IGF2BP2: variants seen among roughly 807,000 people sequenced by gnomAD.
IGF2BP2 encodes insulin-like growth factor 2 mRNA-binding protein 2.
A neutral mutation model predicts 75.8 loss-of-function variants in IGF2BP2; 17 were observed. The ratio of observed to expected loss-of-function variants is 0.22; its 90% confidence interval spans 0.15 to 0.34. The LOEUF (loss-of-function observed/expected upper bound fraction) is 0.34. IGF2BP2 is among the 10% of genes least tolerant of loss of function. The pLI is 1.00. For missense variants in IGF2BP2, 516 were observed against 772.4 expected, an observed-to-expected ratio of 0.67 and a Z score of 3.93; for synonymous variants, 288 against 295.6, an observed-to-expected ratio of 0.97 and a Z score of 0.26.
At chr3:185,652,875 G>A (rs773147651) in intron 12 of IGF2BP2, among the ~76,000 whole-genome samples, 2 of 151,992 alleles carry the variant, frequency 1.3e-5, no homozygotes, top group Non-Finnish European at 2.9e-5. Flanking sequence ...GCAGTGGCGC[G>A]ATCTCAGCTC....
intron 2 of IGF2BP2, among the ~76,000 whole-genome samples, chr3:185,747,109 T>C (rs1283966648): frequency 6.6e-6 from 1 of 152,220 alleles, no homozygotes; most frequent in Admixed American, 6.5e-5. Flanking sequence ...TCCATCTACA[T>C]ATCAATGGAA....
chr3:185,748,202 C>T (rs943654719), intron 2 of IGF2BP2, among the ~76,000 whole-genome samples: 19 of 152,154 alleles, frequency 1.2e-4, no homozygotes, highest in African/African-American at 4.6e-4. Flanking sequence ...CCATGCCCGG[C>T]CACCTATCAC....
chr3:185,822,598 G>C (rs1741504867), intron 2 of IGF2BP2, among the ~76,000 whole-genome samples: 1 of 152,158 alleles, frequency 6.6e-6, no homozygotes, highest in Admixed American at 6.5e-5. Flanking sequence ...ATACTCAGTA[G>C]TCTCAGTGAC....
At chr3:185,817,315 T>G (rs1740741338) in intron 2 of IGF2BP2, among the ~76,000 whole-genome samples, 1 of 152,220 alleles carries the variant, frequency 6.6e-6, no homozygotes, top group Non-Finnish European at 1.5e-5. Flanking sequence ...GGCTAGCTTT[T>G]GGGCTTGAAT....
intron 4 of IGF2BP2, among the ~76,000 whole-genome samples, chr3:185,696,069 G>A (rs932837013): frequency 6.6e-6 from 1 of 152,210 alleles, no homozygotes; most frequent in Non-Finnish European, 1.5e-5. Context: ...TTACAGGTAT[G>A]AGCCACCACA....
In IGF2BP2 at chr3:185,824,999, G is replaced by A. The variant is rs1467449236; in HGVS notation, c.-39C>T. Reference sequence around the variant, plus strand: ...GAGAGCCCGCGGCTCCCCCGGCCCGGTACCCGGCGCTCCTCGCCTCCTCCG... The same window carrying A: ...GAGAGCCCGCGGCTCCCCCGGCCCGATACCCGGCGCTCCTCGCCTCCTCCG... On this transcript the variant is annotated 5_prime_UTR_variant, in exon 1 of 16. Transcript: ENST00000382199. 2.1e-6 allele frequency: 3 copies of A among 1,434,668 alleles called. No individual in the cohort carries two copies. The highest frequency in any genetic ancestry group is 1.4e-5 in the African/African-American group (1 of 69,078). The allele number at this position is 1,434,668 out of a possible 1,614,324, so 88.9% of individuals were successfully genotyped here.
chr3:185,705,730 T>C (rs1435489619), intron 2 of IGF2BP2, among the ~76,000 whole-genome samples: 1 of 152,164 alleles, frequency 6.6e-6, no homozygotes, highest in Non-Finnish European at 1.5e-5. Flanking sequence ...GAGGGTCTGT[T>C]CCTCATAGAA....
At chr3:185,717,265 G>A (rs115041167) in intron 2 of IGF2BP2, 81 of 171,518 alleles carry the variant, frequency 4.7e-4, no homozygotes, top group African/African-American at 1.4e-3. Flanking sequence ...ACCCAGATAC[G>A]TGACTCTGGC....
At chr3:185,806,817 T>A (rs1739094664) in intron 2 of IGF2BP2, among the ~76,000 whole-genome samples, 1 of 152,178 alleles carries the variant, frequency 6.6e-6, no homozygotes, top group Admixed American at 6.5e-5. Flanking sequence ...TTCTAATATA[T>A]AATAAAGGTA....
At chr3:185,711,899 T>A (rs1379512267) in intron 2 of IGF2BP2, among the ~76,000 whole-genome samples, 1 of 152,286 alleles carries the variant, frequency 6.6e-6, no homozygotes, top group South Asian at 2.1e-4. Context: ...TTGGCTTTCA[T>A]CAAGCCCCAG....
chr3:185,762,532 C>CAAA (rs550663727), intron 2 of IGF2BP2, among the ~76,000 whole-genome samples: 3 of 90,960 alleles, frequency 3.3e-5, no homozygotes, highest in East Asian at 3.6e-4. Flanking sequence ...AGCTCGGTCT[C>CAAA]AAAAAAAAAA....
chr3:185,785,180 A>G (rs1332285809), intron 2 of IGF2BP2, among the ~76,000 whole-genome samples: 1 of 151,896 alleles, frequency 6.6e-6, no homozygotes, highest in Non-Finnish European at 1.5e-5. Flanking sequence ...GCACACCTGT[A>G]ATCCCAGCTA....
In IGF2BP2 at chr3:185,698,318, G is replaced by A. The variant is rs746080766; in HGVS notation, c.269C>T (p.Pro90Leu). 8.7e-6 allele frequency: 14 copies of A among 1,613,884 alleles called. No homozygotes were observed. Among genetic ancestry groups the A allele is most frequent in the Middle Eastern group, 1.6e-4 (1 of 6,082 alleles). Residue 90 changes from proline (P) to leucine (L), a missense_variant, in exon 3 of 16, where the codon CCT becomes CTT. By Grantham distance (98) the Pro-to-Leu change is moderately conservative. Around this residue, in one of 3 missense-constraint regions of IGF2BP2, gnomAD observed 312 missense variants for 474.5 expected, o/e 0.66. Coordinates refer to ENST00000382199, the MANE Select transcript of IGF2BP2 (RefSeq NM_006548.6). ...RSRKIQIRNI[P>L]PHLQWEVLDG... ...GCTTACCTCCCACTGCAGGTGAGGA[G>A]GGATGTTTCGAATCTGAATTTTCCT...
intron 9 of IGF2BP2, 56 bp from the exon 10 acceptor site, chr3:185,672,725 G>A (rs1560266267): frequency 5.6e-6 from 9 of 1,601,078 alleles, no homozygotes; most frequent in Middle Eastern, 1.7e-4. Flanking sequence ...AGGCCCGCAC[G>A]CCTGGGTCAA....
chr3:185,811,105 A>G (rs1739757009), intron 2 of IGF2BP2, among the ~76,000 whole-genome samples: 2 of 152,184 alleles, frequency 1.3e-5, no homozygotes, highest in African/African-American at 4.8e-5. Context: ...ATGGTTTGAT[A>G]TAACAGAAAC....
intron 2 of IGF2BP2, among the ~76,000 whole-genome samples, chr3:185,707,159 A>G (rs1393927805): frequency 2.7e-5 from 4 of 148,928 alleles, no homozygotes; most frequent in Admixed American, 1.4e-4. Context: ...CAGGAGGTGG[A>G]GGCTGCGGTG....
At chr3:185,711,605 G>C (rs1212609818) in intron 2 of IGF2BP2, among the ~76,000 whole-genome samples, 1 of 152,228 alleles carries the variant, frequency 6.6e-6, no homozygotes, top group Non-Finnish European at 1.5e-5. Flanking sequence ...AGGTGCACAT[G>C]GGAGTCAATA....
At chr3:185,774,550 G>A (rs1188804821) in intron 2 of IGF2BP2, among the ~76,000 whole-genome samples, 5 of 150,700 alleles carry the variant, frequency 3.3e-5, no homozygotes, top group Admixed American at 1.3e-4. Flanking sequence ...AGCTGAGATC[G>A]CGCCACTGCA....
At chr3:185,802,458 C>CA in intron 2 of IGF2BP2, among the ~76,000 whole-genome samples, 2 of 152,320 alleles carry the variant, frequency 1.3e-5, no homozygotes, top group Middle Eastern at 3.4e-3. Context: ...AATGCAGGGA[C>CA]AGAGGGTTGG....
Sources: gnomAD v4.1 joint callset for allele counts (sites outside exome capture counted in the v4.1 genomes callset) on GRCh38, gnomAD v4.1.1 for gene constraint, gnomAD v4.1.1 regional missense constraint, MANE v1.5 for transcripts, NCBI Gene and HGNC (gene_info 2026-07-23, HGNC 2026-07-21) for gene names.